PTPN18: variants seen among roughly 807,000 people sequenced by gnomAD.
PTPN18 encodes the protein tyrosine-protein phosphatase non-receptor type 18.
A neutral mutation model predicts 65.4 loss-of-function variants in PTPN18; 65 were observed. The ratio of observed to expected loss-of-function variants is 0.99; its 90% confidence interval spans 0.81 to 1.22. The LOEUF (loss-of-function observed/expected upper bound fraction) is 1.22, where lower values mean the gene tolerates loss of function less well. Ranked by LOEUF, PTPN18 falls within the 50% of genes most tolerant of loss-of-function variation. The probability of loss-of-function intolerance (pLI) is 0.00; values close to 1 mark genes in which losing one functional copy is unlikely to be tolerated. For synonymous variants in PTPN18, 255 were observed against 267.8 expected, an observed-to-expected ratio of 0.95 and a Z score of 0.47; for missense variants, 616 against 646.5, an observed-to-expected ratio of 0.95 and a Z score of 0.51.
rs971129067 is a variant in PTPN18, at chr2:130,374,650, C to T, written c.*1426C>T. The T allele has an allele frequency of 1.1e-5, 5 of 471,370 alleles. No individual in the cohort carries two copies. Among genetic ancestry groups the T allele is most frequent in the Non-Finnish European group, 2.2e-5 (5 of 227,136 alleles). The allele number at this position is 471,370 out of a possible 1,614,324, so 29.2% of individuals were successfully genotyped here. ...CTTTCCCTGAACCTCAAGGGTCCCGCCCCTCTCACTTTCAGGTCTCTGGAC... is the reference window on the plus strand; with the variant it reads ...CTTTCCCTGAACCTCAAGGGTCCCGTCCCTCTCACTTTCAGGTCTCTGGAC... On this transcript the variant is annotated 3_prime_UTR_variant, in exon 15 of 15. Transcript: ENST00000175756.
At position 130,359,314 on chromosome 2, in the gene PTPN18, G is replaced by A; in HGVS notation, c.279+5G>A. The A allele has an allele frequency of 1.2e-6, 2 of 1,614,218 alleles. No homozygotes were observed. Among genetic ancestry groups the A allele is most frequent in the Non-Finnish European group, 1.7e-6 (2 of 1,180,040 alleles). ...ATTAATGGCAACTTCATCCGGGTGAGGGTTGGGGTCACGGAAGGAGGTGGA... is the reference window on the plus strand; with the variant it reads ...ATTAATGGCAACTTCATCCGGGTGAAGGTTGGGGTCACGGAAGGAGGTGGA... On this transcript the variant is annotated splice_donor_5th_base_variant and intron_variant, in intron 3 of 14. Coordinates refer to ENST00000175756, the MANE Select transcript of PTPN18 (RefSeq NM_014369.4).
chr2:130,370,229 A>AG (rs1680514035), intron 8 of PTPN18, 39 bp downstream of exon 8: 1 of 1,603,640 alleles, frequency 6.2e-7, no homozygotes, highest in African/African-American at 1.3e-5. Flanking sequence ...GGTGAGGCAG[A>AG]GGGGACAGAG....
intron 5 of PTPN18, chr2:130,362,139 T>C (rs925190406): frequency 2.1e-6 from 1 of 470,782 alleles, no homozygotes; most frequent in Non-Finnish European, 4.4e-6. Context: ...TGATTAATTG[T>C]TTTTTATTTC....
Position 130,370,883 on chromosome 2 carries a change from C to T in PTPN18, c.843C>T (p.Tyr281=), listed in dbSNP as rs777631453. 2 of 1,614,084 alleles carry T rather than the reference C, an allele frequency of 1.2e-6. No individual in the cohort carries two copies. Among genetic ancestry groups the T allele is most frequent in the Middle Eastern group, 1.6e-4 (1 of 6,062 alleles). Residue 281 remains tyrosine (Y), a synonymous_variant, in exon 11 of 15, where the codon TAC becomes TAT. Coordinates refer to ENST00000175756, the MANE Select transcript of PTPN18 (RefSeq NM_014369.4). The stretch of plus-strand genomic sequence containing the variant: ...GTCCCTCACCCCAACAGGAGCAGTA[C>T]AGGTTCCTGTACCACACGGTGGCTC... ...RPAAVQTEEQ[Y]RFLYHTVAQM... is the part of the protein sequence containing the mutation.
intron 11 of PTPN18, 59 bp from the exon 12 acceptor site, chr2:130,371,140 C>T (rs112777549): frequency 6.8e-7 from 1 of 1,473,350 alleles, no homozygotes; most frequent in African/African-American, 1.4e-5. Flanking sequence ...CTCCCAGAGC[C>T]CCTTGAGAGG....
At position 130,372,260 on chromosome 2, in the gene PTPN18, C is replaced by T. The variant is rs1680589162; in HGVS notation, c.1017C>T (p.Ser339=). 6.4e-7 allele frequency: 1 copy of T among 1,573,288 alleles called. No individual in the cohort carries two copies. The highest frequency in any genetic ancestry group is 8.6e-7 in the Non-Finnish European group (1 of 1,168,146). Residue 339 remains serine, a synonymous_variant, in exon 13 of 15, where the codon AGC becomes AGT. Coordinates refer to ENST00000175756, the MANE Select transcript of PTPN18 (RefSeq NM_014369.4). Reference sequence around the variant, plus strand: ...TCCCGGCCCTCCCTGCCTGCAGGAGCATCTCTGTGCCCGGGTCCCCGGGCC... The same window carrying T: ...TCCCGGCCCTCCCTGCCTGCAGGAGTATCTCTGTGCCCGGGTCCCCGGGCC... ...IPRPPGGVLR[S]ISVPGSPGHA...
chr2:130,361,495 ATTTC>A (rs1483076323), intron 5 of PTPN18, among the ~76,000 whole-genome samples: 24 of 143,734 alleles, frequency 1.7e-4, no homozygotes, highest in African/African-American at 5.4e-4. Flanking sequence ...AGCCATTTAA[ATTTC>A]TTTCTTTTCT....
Position 130,356,219 on chromosome 2 carries a change from C to A in PTPN18, c.93+19C>A. 1 of 1,316,658 alleles carries A rather than the reference C, an allele frequency of 7.6e-7. No homozygotes were observed. The highest frequency in any genetic ancestry group is 2.0e-5 in the South Asian group (1 of 49,128). 81.6% of individuals were successfully genotyped at this position (1,316,658 alleles called of 1,614,324 possible). ...GTTCAGCGTGAGTGGCACACGGGGT[C>A]CGCGAGCGGCGCGCCCCGGCCCTGG... On this transcript the variant is annotated intron_variant, in intron 1 of 14. Transcript: ENST00000175756.
intron 5 of PTPN18, among the ~76,000 whole-genome samples, chr2:130,364,942 G>A (rs758810014): frequency 6.6e-6 from 1 of 152,204 alleles, no homozygotes; most frequent in African/African-American, 2.4e-5. Context: ...CACAGTGGCT[G>A]TACCATTTTA....
rs769299566 is a variant in PTPN18 at position 130,370,910 on chromosome 2, G to T, written c.870G>T (p.Gln290His). 6.2e-7 allele frequency: 1 copy of T among 1,614,116 alleles called. No individual in the cohort carries two copies. The highest frequency in any genetic ancestry group is 8.5e-7 in the Non-Finnish European group (1 of 1,180,024). Reference protein sequence around the residue: ...QYRFLYHTVAQMFCSTLQNAS... With the variant: ...QYRFLYHTVAHMFCSTLQNAS... ...GGTTCCTGTACCACACGGTGGCTCA[G>T]ATGTTCTGCTCCACACTCCAGAATG... Residue 290 changes from glutamine to histidine, a missense_variant, in exon 11 of 15, where the codon CAG becomes CAT. Physicochemically the swap from Gln to His is conservative, Grantham distance 24. Transcript: ENST00000175756.
At chr2:130,356,988 C>T (rs1239889119) in intron 1 of PTPN18, among the ~76,000 whole-genome samples, 1 of 152,016 alleles carries the variant, frequency 6.6e-6, no homozygotes, top group Non-Finnish European at 1.5e-5. Context: ...CTCAGGAGTT[C>T]GAGACCAGCC....
rs1680684176 is a variant in PTPN18 at position 130,374,641 on chromosome 2, A to G, written c.*1417A>G. 4.2e-6 allele frequency: 2 copies of G among 471,298 alleles called. No individual in the cohort carries two copies. Among genetic ancestry groups the G allele is most frequent in the African/African-American group, 2.0e-5 (1 of 50,084 alleles). The allele number at this position is 471,298 out of a possible 1,614,324, so 29.2% of individuals were successfully genotyped here. On this transcript the variant is annotated 3_prime_UTR_variant, in exon 15 of 15. Coordinates refer to ENST00000175756, the MANE Select transcript of PTPN18 (RefSeq NM_014369.4). ...TAAGATGCTCTTTCCCTGAACCTCA[A>G]GGGTCCCGCCCCTCTCACTTTCAGG...
chr2:130,368,414 T>C (rs1041731292), intron 5 of PTPN18, among the ~76,000 whole-genome samples: 5 of 152,214 alleles, frequency 3.3e-5, no homozygotes, highest in Non-Finnish European at 5.9e-5. Context: ...GTACTTCTAA[T>C]GTGTGGTCAT....
Position 130,369,138 on chromosome 2 carries a change from G to C in PTPN18, c.420G>C (p.Arg140Ser). The C allele has an allele frequency of 1.2e-6, 2 of 1,611,636 alleles. No homozygotes were observed. Among genetic ancestry groups the C allele is most frequent in the Non-Finnish European group, 8.5e-7 (1 of 1,178,534 alleles). Residue 140 changes from arginine to serine, a missense_variant, in exon 6 of 15, where the codon AGG becomes AGC. Transcript: ENST00000175756. Reference sequence around the variant, plus strand: ...TTCTCCCTTACCTTTTGCAGAAAAGGTGTGAGCGGTACTGGGCCCAGGAGC... The same window carrying C: ...TTCTCCCTTACCTTTTGCAGAAAAGCTGTGAGCGGTACTGGGCCCAGGAGC... ...ACREIENGRK[R>S]CERYWAQEQE...
intron 12 of PTPN18, among the ~76,000 whole-genome samples, chr2:130,371,746 T>G (rs1573867194): frequency 6.6e-6 from 1 of 150,816 alleles, no homozygotes; most frequent in Non-Finnish European, 1.5e-5. Flanking sequence ...GCCCGGGAGG[T>G]GGAGGTTGCA....
In PTPN18 at chr2:130,370,514, TGTGGTCAGGACCTGACCAGGCACACTC is replaced by T; in HGVS notation, c.690-42_690-16del. ...CCCAAATGCCCCATCTAAAAGGGGTTGTGGTCAGGACCTGACCAGGCACACTCTGATTCTCTTGTCAGTGCGGGTTGT... is the reference window on the plus strand; with the variant it reads ...CCCAAATGCCCCATCTAAAAGGGGTTTGATTCTCTTGTCAGTGCGGGTTGT... On this transcript the variant is annotated splice_polypyrimidine_tract_variant and intron_variant, in intron 8 of 14. Coordinates refer to ENST00000175756, the MANE Select transcript of PTPN18 (RefSeq NM_014369.4). The T allele has an allele frequency of 6.2e-7, 1 of 1,608,824 alleles. No homozygotes were observed. Among genetic ancestry groups the T allele is most frequent in the Admixed American group, 1.7e-5 (1 of 60,002 alleles).
At chr2:130,363,852 T>A (rs1680302988) in intron 5 of PTPN18, among the ~76,000 whole-genome samples, 1 of 152,124 alleles carries the variant, frequency 6.6e-6, no homozygotes, top group Admixed American at 6.6e-5. Flanking sequence ...TTTGAGGAAG[T>A]GCCAAACTGT....
intron 12 of PTPN18, 94 bp downstream of exon 12, chr2:130,371,381 C>T (rs978142701): frequency 3.1e-5 from 35 of 1,115,368 alleles, no homozygotes; most frequent in Non-Finnish European, 3.8e-5. Context: ...TTGTTCACTT[C>T]GCCAAGTGTT....
At chr2:130,367,207 T>C (rs1437294731) in intron 5 of PTPN18, among the ~76,000 whole-genome samples, 1 of 152,088 alleles carries the variant, frequency 6.6e-6, no homozygotes, top group African/African-American at 2.4e-5. Context: ...ATATTTCTCA[T>C]AATGCAGATT....
Sources: allele counts gnomAD v4.1 joint callset (sites outside exome capture counted in the v4.1 genomes callset), GRCh38; gene constraint gnomAD v4.1.1; transcripts MANE v1.5; gene names NCBI Gene and HGNC (gene_info 2026-07-23, HGNC 2026-07-21).